Variants in ELP3 observed in about 807,000 individuals in gnomAD.
ELP3 encodes elongator complex protein 3.
A neutral mutation model predicts 74.9 loss-of-function variants in ELP3; 56 were observed. The observed-to-expected ratio is 0.75, with a 90% CI of 0.60 to 0.93. The LOEUF is 0.93. ELP3 is among the 40% of genes least tolerant of loss of function. The pLI, the probability that ELP3 is intolerant of heterozygous loss-of-function variation, is 0.00. For synonymous variants in ELP3, 222 were observed against 239.8 expected, an observed-to-expected ratio of 0.93 and a Z score of 0.68; for missense variants, 573 against 686.5, an observed-to-expected ratio of 0.83 and a Z score of 1.85.
At chr8:28,160,176 G>A (rs766252427) in intron 12 of ELP3, 53 bp from the exon 13 acceptor site, 79 of 1,506,716 alleles carry the variant, frequency 5.2e-5, no homozygotes, top group Non-Finnish European at 7.0e-5. Flanking sequence ...TTACAAAAAT[G>A]AATTTGGTTC....
intron 14 of ELP3, among the ~76,000 whole-genome samples, chr8:28,183,554 G>T (rs895186381): frequency 8.5e-5 from 13 of 152,126 alleles, no homozygotes; most frequent in Non-Finnish European, 1.5e-4. Flanking sequence ...CTCACGAGTA[G>T]CTGGGATTAC....
intron 10 of ELP3, among the ~76,000 whole-genome samples, chr8:28,154,000 G>A (rs1035624890): frequency 6.6e-6 from 1 of 152,178 alleles, no homozygotes; most frequent in African/African-American, 2.4e-5. Flanking sequence ...TAAGGATACA[G>A]AGAGGAGCAC....
chr8:28,101,231 G>A lies in ELP3; in HGVS notation c.258+1265G>A, dbSNP rs139211750. ...AGGTCAAGACCATCCTGGCTAACAC[G>A]ACGAAAGCCCATCTCTACTAAAAAT... On this transcript the variant is annotated intron_variant, in intron 3 of 14. Coordinates refer to ENST00000256398, the MANE Select transcript of ELP3 (RefSeq NM_018091.6). Among the ~76,000 whole-genome samples, 178 of 151,868 alleles carry A rather than the reference G, an allele frequency of 1.2e-3. 2 individuals carry two copies. In the East Asian group the frequency reaches 0.024, roughly 20 times the overall value.
intron 1 of ELP3, chr8:28,093,517 A>T (rs1811130170): frequency 3.9e-6 from 2 of 508,376 alleles, no homozygotes; most frequent in African/African-American, 2.0e-5. Context: ...CGAGGAGTTA[A>T]CGTCGATTTA....
At chr8:28,128,584 G>C (rs1215278526) in intron 7 of ELP3, among the ~76,000 whole-genome samples, 1 of 152,190 alleles carries the variant, frequency 6.6e-6, no homozygotes, top group African/African-American at 2.4e-5. Flanking sequence ...TTTGAAGTCA[G>C]GTGGACCCAA....
At position 28,162,086 on chromosome 8, in the gene ELP3, G is replaced by A. The variant is rs1055709604; in HGVS notation, c.1567+8G>A. ...AAATCGCTGTGATATCAGGTAACTGGGGGAGGGCGAAGTTCATGATTCCTT... is the reference window on the plus strand; with the variant it reads ...AAATCGCTGTGATATCAGGTAACTGAGGGAGGGCGAAGTTCATGATTCCTT... On this transcript the variant is annotated splice_region_variant and intron_variant, in intron 14 of 14. Coordinates refer to ENST00000256398, the MANE Select transcript of ELP3 (RefSeq NM_018091.6). 6.2e-7 allele frequency: 1 copy of A among 1,614,032 alleles called. No individual in the cohort carries two copies. The highest frequency in any genetic ancestry group is 1.7e-5 in the Admixed American group (1 of 60,024).
intron 14 of ELP3, among the ~76,000 whole-genome samples, chr8:28,185,122 G>C (rs771974760): frequency 6.6e-6 from 1 of 152,196 alleles, no homozygotes; most frequent in East Asian, 1.9e-4. Context: ...AACAGTATCT[G>C]TTTTGTAAAA....
intron 7 of ELP3, among the ~76,000 whole-genome samples, chr8:28,128,010 C>A (rs1307743616): frequency 1.3e-5 from 2 of 152,044 alleles, no homozygotes; most frequent in African/African-American, 4.8e-5. Context: ...GAATTAGTTA[C>A]AAAAATTACA....
At position 28,189,783 on chromosome 8, in the gene ELP3, G is replaced by A. The variant is rs1815386290; in HGVS notation, c.*58G>A. The A allele has an allele frequency of 6.4e-7, 1 of 1,558,922 alleles. No individual in the cohort carries two copies. Among genetic ancestry groups the A allele is most frequent in the African/African-American group, 1.4e-5 (1 of 73,698 alleles). ...TCCCTGGCAGAACACGGAGAATCAG[G>A]ATTTCTTAAATACTCAACAGAGAGG... On this transcript the variant is annotated 3_prime_UTR_variant, in exon 15 of 15. Coordinates refer to ENST00000256398, the MANE Select transcript of ELP3 (RefSeq NM_018091.6).
At chr8:28,112,926 A>G (rs1351899892) in intron 6 of ELP3, 93 bp from the exon 7 acceptor site, 1 of 1,246,702 alleles carries the variant, frequency 8.0e-7, no homozygotes, top group Non-Finnish European at 1.1e-6. Context: ...AACTGTACTG[A>G]TGAAAACACT....
At chr8:28,101,428 A>G (rs1176291825) in intron 3 of ELP3, among the ~76,000 whole-genome samples, 6 of 152,050 alleles carry the variant, frequency 3.9e-5, no homozygotes, top group African/African-American at 9.7e-5. Flanking sequence ...TCAAAACAAA[A>G]AACAAAAAAA....
At chr8:28,160,837 G>A (rs998733380) in intron 13 of ELP3, among the ~76,000 whole-genome samples, 8 of 152,070 alleles carry the variant, frequency 5.3e-5, no homozygotes, top group Admixed American at 3.9e-4. Context: ...TGGGATTACA[G>A]GTGTGCACCA....
intron 14 of ELP3, among the ~76,000 whole-genome samples, chr8:28,180,640 T>G (rs1366446030): frequency 6.6e-6 from 1 of 152,218 alleles, no homozygotes; most frequent in Non-Finnish European, 1.5e-5. Context: ...TATGAGAATT[T>G]GCTTTCAGGA....
intron 14 of ELP3, among the ~76,000 whole-genome samples, chr8:28,181,110 T>A (rs1814994949): frequency 6.6e-6 from 1 of 152,230 alleles, no homozygotes; most frequent in African/African-American, 2.4e-5. Context: ...GCCTGACAAC[T>A]AAGAGCTCTT....
intron 3 of ELP3, among the ~76,000 whole-genome samples, chr8:28,105,583 G>C (rs1416390776): frequency 1.3e-5 from 2 of 152,180 alleles, no homozygotes; most frequent in Non-Finnish European, 2.9e-5. Context: ...AGTGGACCAA[G>C]CGAGGACATA....
chr8:28,091,190 G>A (rs1039501914), upstream of ELP3, among the ~76,000 whole-genome samples: 4 of 152,068 alleles, frequency 2.6e-5, no homozygotes, highest in Non-Finnish European at 4.4e-5. Flanking sequence ...ACAGGCATGA[G>A]CCACCGCGCC....
In ELP3 at chr8:28,106,721, C is replaced by A. The variant is rs779336905; in HGVS notation, c.267C>A (p.Val89=). 1 of 1,612,282 alleles carries A rather than the reference C, an allele frequency of 6.2e-7. No individual in the cohort carries two copies. Among genetic ancestry groups the A allele is most frequent in the Non-Finnish European group, 8.5e-7 (1 of 1,179,306 alleles). The change falls in exon 4 of 15, where the codon GTC becomes GTA. Residue 89 remains valine (V), a synonymous_variant. Transcript: ENST00000256398. ...KPIRTASGIA[V]VAVMCKPHRC... The stretch of plus-strand genomic sequence containing the variant: ...TCATCTTTCTTTTATAGATTGCTGT[C>A]GTGGCTGTGATGTGCAAACCCCACA...
intron 10 of ELP3, among the ~76,000 whole-genome samples, 155 bp downstream of exon 10, chr8:28,138,046 C>T (rs1813064345): frequency 6.6e-6 from 1 of 152,166 alleles, no homozygotes; most frequent in African/African-American, 2.4e-5. Flanking sequence ...GGATGGAAAT[C>T]ATAGCATGTC....
chr8:28,181,074 A>T (rs1201809251), intron 14 of ELP3, among the ~76,000 whole-genome samples: 1 of 152,116 alleles, frequency 6.6e-6, no homozygotes, highest in Non-Finnish European at 1.5e-5. Flanking sequence ...TCCCCTCTGG[A>T]AGCTCACATT....
Sources: gnomAD v4.1 joint callset for allele counts (sites outside exome capture counted in the v4.1 genomes callset) on GRCh38, gnomAD v4.1.1 for gene constraint, MANE v1.5 for transcripts, NCBI Gene and HGNC (gene_info 2026-07-23, HGNC 2026-07-21) for gene names.